BAIAP3: variants seen among roughly 807,000 people sequenced by gnomAD.
BAIAP3 encodes BAI1-associated protein 3.
In BAIAP3, 180 loss-of-function variants were observed where a neutral mutation model predicts 149.7. The observed-to-expected ratio is 1.20, with a 90% confidence interval of 1.07 to 1.36. The LOEUF is 1.36. Ranked by LOEUF, BAIAP3 falls within the 40% of genes most tolerant of loss-of-function variation. BAIAP3 has a pLI of 0.00. For missense variants in BAIAP3, 1,767 were observed against 1,563.4 expected (o/e 1.13, Z -2.20); for synonymous variants, 845 against 670.7 (o/e 1.26, Z -4.02).
In BAIAP3 at chr16:1,344,099, C is replaced by T. The variant is rs2034133974; in HGVS notation, c.1464C>T (p.Phe488=). The change falls in exon 16 of 34, where the codon TTC becomes TTT. Residue 488 remains phenylalanine (F), a synonymous_variant. Coordinates refer to ENST00000426824, the MANE Select transcript of BAIAP3 (RefSeq NM_001199097.2). ...LQLLRQLRDY[F]PATNSTAVHR... ...TGCTGCGCCAGCTCCGAGACTACTT[C>T]CCTGCCACCAACAGCACCGCTGTCC... The T allele has an allele frequency of 1.9e-6, 3 of 1,612,034 alleles. No individual in the cohort carries two copies. Among genetic ancestry groups the T allele is most frequent in the South Asian group, 1.1e-5 (1 of 91,092 alleles).
intron 5 of BAIAP3, among the ~76,000 whole-genome samples, chr16:1,339,997 ATG>A (rs1347796166): frequency 7.8e-5 from 11 of 141,436 alleles, no homozygotes; most frequent in African/African-American, 8.3e-5. Context: ...GTGCATACAG[ATG>A]CACACGCACA....
chr16:1,345,948 GAGGGCTCC>G, intron 23 of BAIAP3, 30 bp from the exon 24 acceptor site: 1 of 1,589,094 alleles, frequency 6.3e-7, no homozygotes. Flanking sequence ...TGGGGCAGGG[GAGGGCTCC>G]ATGGCTCCCC....
chr16:1,341,260 G>A lies in BAIAP3; in HGVS notation c.536-34G>A, dbSNP rs202213122. On this transcript the variant is annotated intron_variant, in intron 7 of 33. Coordinates refer to ENST00000426824, the MANE Select transcript of BAIAP3 (RefSeq NM_001199097.2). Reference sequence around the variant, plus strand: ...TGGCGGCCATGGAGGGCCAGAGGGCGTGGGGCCAGGGCTGAGACGCCTGCC... The same window carrying A: ...TGGCGGCCATGGAGGGCCAGAGGGCATGGGGCCAGGGCTGAGACGCCTGCC... 201 of 1,606,380 alleles carry A rather than the reference G, an allele frequency of 1.3e-4. No individual in the cohort carries two copies. In the East Asian group the frequency reaches 2.7e-3, roughly 21 times the overall value.
chr16:1,343,979 G>T, intron 15 of BAIAP3, 43 bp from the exon 16 acceptor site: 2 of 1,608,132 alleles, frequency 1.2e-6, no homozygotes, highest in Non-Finnish European at 1.7e-6. Flanking sequence ...CCTCATCAGT[G>T]GCCGGTCGGG....
At position 1,339,731 on chromosome 16, in the gene BAIAP3, A is replaced by G; in HGVS notation, c.408+128A>G. The G allele has an allele frequency of 3.9e-6, 3 of 779,056 alleles. No individual in the cohort carries two copies. The South Asian group carries it at 4.9e-5, about 13-fold the overall frequency. 48.3% of individuals were successfully genotyped at this position (779,056 alleles called of 1,614,324 possible). A position where few individuals can be genotyped will look rare whatever the true frequency, so the allele number is the denominator to read the frequency against. ...CCCGATCCGTGCACAGCACACAGAG[A>G]CGGCTGCAGGTGCACACACACACAC... On this transcript the variant is annotated intron_variant, in intron 5 of 33. Transcript: ENST00000426824.
At position 1,345,790 on chromosome 16, in the gene BAIAP3, C is replaced by T. The variant is rs1272178849; in HGVS notation, c.2108C>T (p.Ala703Val). 1 of 1,570,322 alleles carries T rather than the reference C, an allele frequency of 6.4e-7. No individual in the cohort carries two copies. The highest frequency in any genetic ancestry group is 1.2e-5 in the South Asian group (1 of 86,070). Residue 703 changes from alanine (A) to valine (V), a missense_variant, in exon 23 of 34, where the codon GCC becomes GTC. By Grantham distance (64) the Ala-to-Val change is moderately conservative. Transcript: ENST00000426824. ...DASSRHSSSA[A>V]TAGLCLSHIQ... Reference sequence around the variant, plus strand: ...TCCTCCAGGCACAGCAGCTCCGCAGCCACTGCTGGTCTCTGCCTCAGCCAC... The same window carrying T: ...TCCTCCAGGCACAGCAGCTCCGCAGTCACTGCTGGTCTCTGCCTCAGCCAC...
chr16:1,338,050 A>G (rs1454734367), intron 1 of BAIAP3, among the ~76,000 whole-genome samples: 1 of 152,102 alleles, frequency 6.6e-6, no homozygotes, highest in Non-Finnish European at 1.5e-5. Context: ...TACCTCCTAC[A>G]TAGGAGAGCT....
chr16:1,347,880 C>A lies in BAIAP3; in HGVS notation c.3026-14C>A. 1 of 1,610,818 alleles carries A rather than the reference C, an allele frequency of 6.2e-7. No homozygotes were observed. Among genetic ancestry groups the A allele is most frequent in the Non-Finnish European group, 8.5e-7 (1 of 1,179,556 alleles). On this transcript the variant is annotated splice_polypyrimidine_tract_variant and intron_variant, in intron 31 of 33. Transcript: ENST00000426824. Reference sequence around the variant, plus strand: ...GGGATGGGGGCAGGGGGGCTCACGACTGTGCTCCTGCAGGCTTAAGTGACC... The same window carrying A: ...GGGATGGGGGCAGGGGGGCTCACGAATGTGCTCCTGCAGGCTTAAGTGACC...
chr16:1,335,790 CA>C (rs1350812271), intron 1 of BAIAP3, among the ~76,000 whole-genome samples: 7 of 152,308 alleles, frequency 4.6e-5, no homozygotes, highest in Non-Finnish European at 7.4e-5. Flanking sequence ...CAGTTGGGGT[CA>C]GGGGGGCTGG....
rs751112384 is a variant in BAIAP3 at position 1,338,546 on chromosome 16, C to T, written c.-4C>T. 71 of 1,609,528 alleles carry T rather than the reference C, an allele frequency of 4.4e-5. No homozygotes were observed. The highest frequency in any genetic ancestry group is 2.2e-4 in the South Asian group (20 of 90,686). The stretch of plus-strand genomic sequence containing the variant: ...GCTGTGCTCTCTGCTGTAGGTCACC[C>T]GCCATGTCGACCTTGCTGGACATTA... On this transcript the variant is annotated 5_prime_UTR_variant, in exon 2 of 34. Transcript: ENST00000426824.
At position 1,343,352 on chromosome 16, in the gene BAIAP3, G is replaced by A. The variant is rs376472385; in HGVS notation, c.1266-41G>A. Reference sequence around the variant, plus strand: ...GGCGGTGCTGAGTGGGCATGGCAGGGGCGGGGTTCATACCCTTTGACCATG... The same window carrying A: ...GGCGGTGCTGAGTGGGCATGGCAGGAGCGGGGTTCATACCCTTTGACCATG... On this transcript the variant is annotated intron_variant, in intron 14 of 33. Coordinates refer to ENST00000426824, the MANE Select transcript of BAIAP3 (RefSeq NM_001199097.2). 28 of 1,564,858 alleles carry A rather than the reference G, an allele frequency of 1.8e-5. No homozygotes were observed. The African/African-American group carries it at 3.4e-4, about 19-fold the overall frequency.
intron 1 of BAIAP3, chr16:1,334,799 G>C: frequency 6.6e-7 from 1 of 1,511,644 alleles, no homozygotes; most frequent in Non-Finnish European, 9.0e-7. Context: ...CCCAGGGCCT[G>C]GTGAAGGGGA....
intron 1 of BAIAP3, among the ~76,000 whole-genome samples, chr16:1,337,516 G>A (rs951044891): frequency 4.6e-5 from 7 of 152,222 alleles, no homozygotes; most frequent in Non-Finnish European, 8.8e-5. Context: ...AGGCTGCAGT[G>A]AGCTGAGATC....
At chr16:1,342,420 C>A in intron 11 of BAIAP3, 107 bp from the exon 12 acceptor site, 1 of 1,372,504 alleles carries the variant, frequency 7.3e-7, no homozygotes, top group Non-Finnish European at 1.0e-6. Flanking sequence ...CCCTCATTCC[C>A]CGGAGAAGGG....
In BAIAP3 at chr16:1,344,321, T is replaced by C; in HGVS notation, c.1602+4T>C. On this transcript the variant is annotated splice_donor_region_variant and intron_variant, in intron 17 of 33. Coordinates refer to ENST00000426824, the MANE Select transcript of BAIAP3 (RefSeq NM_001199097.2). ...GGACATTGCTGCGGCCCTGAAGGTG[T>C]GTTCCAAAGCCCAGTGGAGGCCGGC... The C allele has an allele frequency of 6.2e-7, 1 of 1,613,598 alleles. No individual in the cohort carries two copies. Among genetic ancestry groups the C allele is most frequent in the South Asian group, 1.1e-5 (1 of 91,080 alleles).
At chr16:1,334,569 A>C in intron 1 of BAIAP3, 1 of 1,242,200 alleles carries the variant, frequency 8.1e-7, no homozygotes. Context: ...GCTGGGCGCC[A>C]GCGGCTGGAC....
intron 1 of BAIAP3, chr16:1,334,781 G>A (rs1415023947): frequency 6.5e-7 from 1 of 1,542,832 alleles, no homozygotes; most frequent in Non-Finnish European, 8.8e-7. Context: ...AGATTCCTGC[G>A]GGAAACCCCC....
chr16:1,342,651 TCCCCGTCCTCCAC>T lies in BAIAP3; in HGVS notation c.1065+27_1065+39del. 1 of 1,601,952 alleles carries T rather than the reference TCCCCGTCCTCCAC, an allele frequency of 6.2e-7. No individual in the cohort carries two copies. The highest frequency in any genetic ancestry group is 2.3e-5 in the East Asian group (1 of 44,146). On this transcript the variant is annotated intron_variant, in intron 12 of 33. Coordinates refer to ENST00000426824, the MANE Select transcript of BAIAP3 (RefSeq NM_001199097.2). ...ACTACGCAGGTGGGGAAAGTGGGCG[TCCCCGTCCTCCAC>T]CCCCGTCCTTGGGGCGGGGGCAGAG...
chr16:1,343,124 G>T (rs931051725), intron 14 of BAIAP3, 108 bp downstream of exon 14: 5 of 1,167,182 alleles, frequency 4.3e-6, no homozygotes, highest in Non-Finnish European at 6.1e-6. Flanking sequence ...GGTGGGGCAG[G>T]GAAAGGGGCG....
Sources: allele counts gnomAD v4.1 joint callset (sites outside exome capture counted in the v4.1 genomes callset), GRCh38; gene constraint gnomAD v4.1.1; transcripts MANE v1.5; gene names NCBI Gene and HGNC (gene_info 2026-07-23, HGNC 2026-07-21).